MITF: variants seen among roughly 807,000 people sequenced by gnomAD.
MITF encodes melanocyte inducing transcription factor.
A neutral mutation model predicts 60.5 loss-of-function variants in MITF; 17 were observed. That is an observed-to-expected ratio of 0.28 (90% CI 0.19 to 0.42). The LOEUF (loss-of-function observed/expected upper bound fraction) is 0.42. Among genes scored for constraint, MITF ranks in the 10% least tolerant of loss-of-function variants. MITF has a pLI of 1.00. For missense variants in MITF, 622 were observed against 683.5 expected (o/e 0.91, Z 1.00); for synonymous variants, 260 against 248.5 (o/e 1.05, Z -0.43).
intron 1 of MITF, among the ~76,000 whole-genome samples, chr3:69,773,960 C>T (rs2062433750): frequency 6.6e-6 from 1 of 152,048 alleles, no homozygotes; most frequent in Non-Finnish European, 1.5e-5. Flanking sequence ...AGGAGAGATT[C>T]CTGGATAAGA....
At position 69,939,277 on chromosome 3, in the gene MITF, T is replaced by C. The variant is rs1331162307; in HGVS notation, c.666+96T>C. On this transcript the variant is annotated intron_variant, in intron 4 of 9. Transcript: ENST00000352241. ...CTTCCTGAAAACTTAAGCATTTTTT[T>C]CCCCCATTGTTTTTTTTTTTTTTAT... 10 of 1,129,020 alleles carry C rather than the reference T, an allele frequency of 8.9e-6. No individual in the cohort carries two copies. In the African/African-American group the frequency reaches 1.3e-4, roughly 14 times the overall value. 69.9% of individuals were successfully genotyped at this position (1,129,020 alleles called of 1,614,324 possible). A position where few individuals can be genotyped will look rare whatever the true frequency, so the allele number is the denominator to read the frequency against.
intron 6 of MITF, 114 bp downstream of exon 6, chr3:69,949,282 A>G (rs1163230063): frequency 7.5e-6 from 6 of 798,454 alleles, no homozygotes; most frequent in African/African-American, 1.7e-5. Context: ...CGTAACTTTT[A>G]TAGGTCTCTG....
chr3:69,747,225 A>T (rs1317707763), intron 1 of MITF, among the ~76,000 whole-genome samples: 1 of 152,228 alleles, frequency 6.6e-6, no homozygotes, highest in Non-Finnish European at 1.5e-5. Context: ...GTTAACAATG[A>T]ACCAAATACA....
intron 1 of MITF, among the ~76,000 whole-genome samples, chr3:69,820,006 A>G (rs1245199579): frequency 6.6e-6 from 1 of 152,152 alleles, no homozygotes; most frequent in Non-Finnish European, 1.5e-5. Context: ...CTAGAGTTAG[A>G]GCATTGATGT....
chr3:69,903,871 G>A (rs142249996), intron 2 of MITF, among the ~76,000 whole-genome samples: 15 of 152,250 alleles, frequency 9.9e-5, no homozygotes, highest in Admixed American at 3.3e-4. Flanking sequence ...CTGGATGTGC[G>A]ACTTGGAAGC....
At chr3:69,877,200 C>A (rs2064374712) in intron 1 of MITF, among the ~76,000 whole-genome samples, 1 of 151,852 alleles carries the variant, frequency 6.6e-6, no homozygotes, top group African/African-American at 2.4e-5. Context: ...TGTATTTAAC[C>A]ATTCTCATAG....
At chr3:69,962,978 C>G (rs1032134161) in intron 9 of MITF, among the ~76,000 whole-genome samples, 1 of 152,162 alleles carries the variant, frequency 6.6e-6, no homozygotes, top group Non-Finnish European at 1.5e-5. Flanking sequence ...AGATGCCTGT[C>G]TTCTCCCTGT....
chr3:69,895,784 C>T (rs1264935713), intron 2 of MITF, among the ~76,000 whole-genome samples: 1 of 148,584 alleles, frequency 6.7e-6, no homozygotes, highest in Admixed American at 6.8e-5. Flanking sequence ...TTAATTCATT[C>T]CTTAAGAGAG....
intron 1 of MITF, among the ~76,000 whole-genome samples, chr3:69,789,100 C>G (rs922242461): frequency 2.0e-5 from 3 of 152,082 alleles, no homozygotes; most frequent in African/African-American, 7.2e-5. Flanking sequence ...ATAGGACAGT[C>G]TTCTAGGTGC....
chr3:69,835,015 CTTTTT>C (rs142347719), intron 1 of MITF, among the ~76,000 whole-genome samples: 9 of 68,548 alleles, frequency 1.3e-4, no homozygotes, highest in Non-Finnish European at 2.4e-4. Context: ...GCTCTTTTAC[CTTTTT>C]TTTTTTTTTT....
At chr3:69,808,570 G>A (rs1214322162) in intron 1 of MITF, among the ~76,000 whole-genome samples, 1 of 152,042 alleles carries the variant, frequency 6.6e-6, no homozygotes, top group South Asian at 2.1e-4. Flanking sequence ...GAGGTAAAGT[G>A]TTTGCTGAGC....
intron 2 of MITF, among the ~76,000 whole-genome samples, chr3:69,881,777 A>G (rs1281932943): frequency 1.3e-5 from 2 of 152,164 alleles, no homozygotes; most frequent in Non-Finnish European, 2.9e-5. Flanking sequence ...AAAGAATGGT[A>G]ATACCAAGTA....
At position 69,966,261 on chromosome 3, in the gene MITF, T is replaced by G. The variant is rs1038652466; in HGVS notation, c.*1013T>G. On this transcript the variant is annotated 3_prime_UTR_variant, in exon 10 of 10. Transcript: ENST00000352241. Reference sequence around the variant, plus strand: ...CTTAAAATGGCAAGTTTTCCATATTTTTACAACTCACTGGTGGTTTTCCGC... The same window carrying G: ...CTTAAAATGGCAAGTTTTCCATATTGTTACAACTCACTGGTGGTTTTCCGC... 1 of 232,794 alleles carries G rather than the reference T, an allele frequency of 4.3e-6. No individual in the cohort carries two copies. Among genetic ancestry groups the G allele is most frequent in the Non-Finnish European group, 8.5e-6 (1 of 117,634 alleles). The allele number at this position is 232,794 out of a possible 1,614,324, so 14.4% of individuals were successfully genotyped here.
chr3:69,796,118 A>G (rs111264970), intron 1 of MITF, among the ~76,000 whole-genome samples: 2,670 of 152,156 alleles, frequency 0.018, 85 homozygotes, highest in African/African-American at 0.061. Context: ...AGTAGTAGGG[A>G]TTACAGGCAT....
At chr3:69,917,952 A>G (rs946057712) in intron 2 of MITF, among the ~76,000 whole-genome samples, 14 of 152,340 alleles carry the variant, frequency 9.2e-5, no homozygotes, top group Admixed American at 1.3e-4. Context: ...GACAAATACC[A>G]TAATGTTGTC....
At chr3:69,940,300 C>T (rs573230396) in intron 4 of MITF, among the ~76,000 whole-genome samples, 7 of 151,934 alleles carry the variant, frequency 4.6e-5, no homozygotes, top group African/African-American at 1.4e-4. Context: ...GAAGAGCATC[C>T]CTGTTAGTTC....
At chr3:69,792,050 A>T (rs184178637) in intron 1 of MITF, among the ~76,000 whole-genome samples, 2 of 152,162 alleles carry the variant, frequency 1.3e-5, no homozygotes, top group African/African-American at 2.4e-5. Context: ...CCTCATCTGT[A>T]CTTGCCAGAA....
At chr3:69,937,021 T>C (rs946509878) in intron 2 of MITF, 3 of 337,090 alleles carry the variant, frequency 8.9e-6, no homozygotes, top group Non-Finnish European at 1.1e-5. Context: ...CTCATAAGAT[T>C]AAATTGTCTT....
intron 1 of MITF, among the ~76,000 whole-genome samples, chr3:69,761,054 G>A (rs1191992396): frequency 6.6e-6 from 1 of 152,098 alleles, no homozygotes; most frequent in Non-Finnish European, 1.5e-5. Flanking sequence ...AATAACAGTA[G>A]CATCTAGCAT....
Sources: allele counts gnomAD v4.1 joint callset (sites outside exome capture counted in the v4.1 genomes callset), GRCh38; gene constraint gnomAD v4.1.1; transcripts MANE v1.5; gene names NCBI Gene and HGNC (gene_info 2026-07-23, HGNC 2026-07-21).